Variants in LANCL3 observed in about 807,000 individuals in gnomAD.
LANCL3 encodes LanC like family member 3.
A neutral mutation model predicts 26.5 loss-of-function variants in LANCL3; 19 were observed. The observed-to-expected ratio is 0.72, with a 90% CI of 0.50 to 1.05. LANCL3 has a LOEUF of 1.05. LANCL3 is among the 50% of genes least tolerant of loss of function. The pLI is 0.00. For missense variants in LANCL3, 318 were observed against 362.7 expected (o/e 0.88, Z 1.00); for synonymous variants, 160 against 166.6 (o/e 0.96, Z 0.30).
chrX:37,676,803 AT>A lies in LANCL3; in HGVS notation c.*994del, dbSNP rs1331505425. ...GTGATTGTGGAAATAATTTTGCTCC[AT>A]TTTATACTATTAAATGAAGAGATGA... On this transcript the variant is annotated 3_prime_UTR_variant, in exon 5 of 5. Transcript: ENST00000378619. The A allele has an allele frequency of 9.0e-6, 1 of 111,729 alleles. No homozygotes were observed. Among genetic ancestry groups the A allele is most frequent in the Non-Finnish European group, 1.9e-5 (1 of 53,038 alleles). The allele number at this position is 111,729 out of a possible 1,213,427, so 9.2% of individuals were successfully genotyped here.
At chrX:37,611,067 A>G (rs1236245622) in intron 1 of LANCL3, among the ~76,000 whole-genome samples, 4 of 111,383 alleles carry the variant, frequency 3.6e-5, no homozygotes, top group Non-Finnish European at 3.8e-5. Context: ...ATGGTGTAGA[A>G]CACATCCAGA....
chrX:37,581,688 A>G (rs1346738278), intron 1 of LANCL3, among the ~76,000 whole-genome samples: 2 of 111,861 alleles, frequency 1.8e-5, no homozygotes, highest in Non-Finnish European at 3.8e-5. Flanking sequence ...TAACAGACCT[A>G]CTCAAAATAA....
At position 37,582,768 on chromosome X, in the gene LANCL3, CCTGTTCACT is replaced by C. The variant is rs1220919407; in HGVS notation, c.573+10329_573+10337del. On this transcript the variant is annotated intron_variant, in intron 1 of 4. Coordinates refer to ENST00000378619, the MANE Select transcript of LANCL3 (RefSeq NM_001170331.2). ...AAATTTTCTCTTATTCTGTAGGTTG[CCTGTTCACT>C]CTGATGGTAGTTTCTTTTGCTGTGC... 1.3e-4 allele frequency among the ~76,000 whole-genome samples: 14 copies of C among 111,639 alleles called. No individual in the cohort carries two copies. The Middle Eastern group carries it at 0.014, about 110-fold the overall frequency.
At chrX:37,601,978 G>C (rs1054349973) in intron 1 of LANCL3, among the ~76,000 whole-genome samples, 1 of 111,568 alleles carries the variant, frequency 9.0e-6, no homozygotes, top group Non-Finnish European at 1.9e-5. Flanking sequence ...GCCAAAAGTA[G>C]CTAGAAGTAA....
At chrX:37,640,868 C>G (rs1925845536) in intron 1 of LANCL3, among the ~76,000 whole-genome samples, 1 of 111,399 alleles carries the variant, frequency 9.0e-6, no homozygotes, top group Non-Finnish European at 1.9e-5. Flanking sequence ...CCAGCTCCCC[C>G]TGAAGTCCTC....
At chrX:37,574,054 CAAAA>C (rs34987799) in intron 1 of LANCL3, among the ~76,000 whole-genome samples, 1 of 33,430 alleles carries the variant, frequency 3.0e-5, no homozygotes, top group Middle Eastern at 0.023. Context: ...TCAAGGATAG[CAAAA>C]AAAAAAAAAA....
chrX:37,681,944 C>A lies in LANCL3; in HGVS notation c.*6131C>A, dbSNP rs1352034715. On this transcript the variant is annotated 3_prime_UTR_variant, in exon 5 of 5. Coordinates refer to ENST00000378619, the MANE Select transcript of LANCL3 (RefSeq NM_001170331.2). Reference sequence around the variant, plus strand: ...TCTTCAGAAAGTACCAAAATATATACCTTCCTCTTATTCTTTCAGAAACGG... The same window carrying A: ...TCTTCAGAAAGTACCAAAATATATAACTTCCTCTTATTCTTTCAGAAACGG... The A allele has an allele frequency of 9.0e-6, 1 of 111,699 alleles. No individual in the cohort carries two copies. Among genetic ancestry groups the A allele is most frequent in the African/African-American group, 3.3e-5 (1 of 30,673 alleles). 9.2% of individuals were successfully genotyped at this position (111,699 alleles called of 1,213,427 possible).
intron 2 of LANCL3, among the ~76,000 whole-genome samples, chrX:37,658,003 T>G (rs1926327867): frequency 8.9e-6 from 1 of 112,252 alleles, no homozygotes; most frequent in South Asian, 3.7e-4. Context: ...TTCTACTAAC[T>G]GGGAATGAGT....
Position 37,638,049 on chromosome X carries a change from TGAGA to T in LANCL3, c.574-17626_574-17623del, listed in dbSNP as rs781858663. Among the ~76,000 whole-genome samples, 11 of 108,506 alleles carry T rather than the reference TGAGA, an allele frequency of 1.0e-4. No individual in the cohort carries two copies. The South Asian group carries it at 3.6e-3, about 35-fold the overall frequency. 94.2% of individuals were successfully genotyped at this position (108,506 alleles called of 115,157 possible). A position where few individuals can be genotyped will look rare whatever the true frequency, so the allele number is the denominator to read the frequency against. On this transcript the variant is annotated intron_variant, in intron 1 of 4. Transcript: ENST00000378619. ...CTTAGGGATATGTTTAAACTTGGAA[TGAGA>T]GAGAGAGAGAGAAAGAAAGAGAGAG...
At chrX:37,636,355 G>A (rs1311099230) in intron 1 of LANCL3, among the ~76,000 whole-genome samples, 1 of 111,981 alleles carries the variant, frequency 8.9e-6, no homozygotes, top group Non-Finnish European at 1.9e-5. Context: ...GGGTCAAATG[G>A]TGGTTCGTTT....
At chrX:37,590,687 G>T (rs1185213405) in intron 1 of LANCL3, among the ~76,000 whole-genome samples, 1 of 112,181 alleles carries the variant, frequency 8.9e-6, no homozygotes, top group South Asian at 3.8e-4. Context: ...GATTAGCTCT[G>T]CTTATGATCT....
chrX:37,674,189 C>G (rs782386719), intron 4 of LANCL3, among the ~76,000 whole-genome samples: 13 of 111,644 alleles, frequency 1.2e-4, no homozygotes, highest in Non-Finnish European at 2.3e-4. Flanking sequence ...GATTGTGTCT[C>G]AAACTTAAAT....
rs1923572439 is a variant in LANCL3 at position 37,571,673 on chromosome X, C to A, written c.-198C>A. ...GATCGCCCGGGCCACTCGGGAGCCT[C>A]GCGGCAGCCCGGCGCCCCACTTGGC... On this transcript the variant is annotated 5_prime_UTR_variant, in exon 1 of 5. Transcript: ENST00000378619. 2 of 376,462 alleles carry A rather than the reference C, an allele frequency of 5.3e-6. No individual in the cohort carries two copies. The highest frequency in any genetic ancestry group is 1.1e-4 in the Admixed American group (2 of 18,433). 31.0% of individuals were successfully genotyped at this position (376,462 alleles called of 1,213,427 possible).
chrX:37,629,580 A>T (rs1386492781), intron 1 of LANCL3, among the ~76,000 whole-genome samples: 5 of 101,152 alleles, frequency 4.9e-5, no homozygotes, highest in Admixed American at 2.1e-4. Context: ...TTATGGTTTT[A>T]GGTCTAATGT....
chrX:37,612,801 C>T (rs947139845), intron 1 of LANCL3, among the ~76,000 whole-genome samples: 9 of 111,741 alleles, frequency 8.1e-5, no homozygotes, highest in African/African-American at 2.6e-4. Context: ...GAAATGTTGA[C>T]ACAGTGAGAG....
rs991748829 is a variant in LANCL3 at position 37,600,186 on chromosome X, G to A, written c.573+27743G>A. On this transcript the variant is annotated intron_variant, in intron 1 of 4. Coordinates refer to ENST00000378619, the MANE Select transcript of LANCL3 (RefSeq NM_001170331.2). ...AATAAGATATTGAGAGAGAGAGGGA[G>A]ACCACATTCACATAACTTTTATTAC... 4.5e-5 allele frequency among the ~76,000 whole-genome samples: 5 copies of A among 111,958 alleles called. No homozygotes were observed. In the East Asian group the frequency reaches 1.1e-3, roughly 25 times the overall value.
At chrX:37,642,963 C>G (rs1602124042) in intron 1 of LANCL3, among the ~76,000 whole-genome samples, 1 of 112,392 alleles carries the variant, frequency 8.9e-6, no homozygotes, top group East Asian at 2.8e-4. Context: ...AGTACATTAT[C>G]ATGTACCAAA....
At chrX:37,624,883 G>A (rs782662166) in intron 1 of LANCL3, among the ~76,000 whole-genome samples, 2 of 111,873 alleles carry the variant, frequency 1.8e-5, no homozygotes, top group Non-Finnish European at 1.9e-5. Flanking sequence ...GGCCTTCACT[G>A]CTTCCTCCTC....
chrX:37,580,209 T>C (rs1389550995), intron 1 of LANCL3, among the ~76,000 whole-genome samples: 5 of 111,622 alleles, frequency 4.5e-5, no homozygotes, highest in African/African-American at 1.6e-4. Context: ...TGATTACAGA[T>C]CTACCAGGAA....
Sources: gnomAD v4.1 joint callset for allele counts (sites outside exome capture counted in the v4.1 genomes callset) on GRCh38, gnomAD v4.1.1 for gene constraint, MANE v1.5 for transcripts, NCBI Gene and HGNC (gene_info 2026-07-23, HGNC 2026-07-21) for gene names.